The following GRM7 variants were observed in gnomAD, a reference collection of about 807,000 sequenced individuals.
The protein encoded by GRM7 is metabotropic glutamate receptor 7.
GRM7 carries 35 observed loss-of-function variants against 84.5 expected under a neutral mutation model. That is an observed-to-expected ratio of 0.41 (90% CI 0.32 to 0.55). GRM7 has a LOEUF of 0.55. Ranked by LOEUF, GRM7 falls within the 20% of genes least tolerant of loss-of-function variation. GRM7 has a pLI of 0.19. For synonymous variants in GRM7, 487 were observed against 455.1 expected, an observed-to-expected ratio of 1.07 and a Z score of -0.89; for missense variants, 1,003 against 1,194.6, an observed-to-expected ratio of 0.84 and a Z score of 2.36.
intron 9 of GRM7, among the ~76,000 whole-genome samples, chr3:7,737,843 AT>A (rs35087158): frequency 0.056 from 7,489 of 134,448 alleles, 361 homozygotes; most frequent in African/African-American, 0.15. Flanking sequence ...TATTCTCCCA[AT>A]TTTTTTTTTT....
chr3:7,690,922 T>TA (rs1158826088), intron 9 of GRM7: 1 of 302,526 alleles, frequency 3.3e-6, no homozygotes, highest in Non-Finnish European at 6.5e-6. Flanking sequence ...CAAGGTCAGT[T>TA]AATCTCCAAA....
At chr3:7,268,953 G>C (rs1490960797) in intron 2 of GRM7, among the ~76,000 whole-genome samples, 1 of 152,138 alleles carries the variant, frequency 6.6e-6, no homozygotes, top group African/African-American at 2.4e-5. Flanking sequence ...AATTGTTTTG[G>C]GGAGGGAGAG....
chr3:7,657,325 C>T (rs548067684), intron 8 of GRM7, among the ~76,000 whole-genome samples: 2 of 152,248 alleles, frequency 1.3e-5, no homozygotes, highest in African/African-American at 4.8e-5. Flanking sequence ...TGCCATAACA[C>T]GCTGGTTAGA....
rs574703570 is a variant in GRM7, at chr3:7,005,417, A to G, written c.520-141035A>G. Reference sequence around the variant, plus strand: ...TTTATTTTAAGAGTCTGATAAATCAATTTTAACCTATAATCCTGGCACCTT... The same window carrying G: ...TTTATTTTAAGAGTCTGATAAATCAGTTTTAACCTATAATCCTGGCACCTT... On this transcript the variant is annotated intron_variant, in intron 1 of 9. Coordinates refer to ENST00000357716, the MANE Select transcript of GRM7 (RefSeq NM_000844.4). Among the ~76,000 whole-genome samples, 4 of 152,340 alleles carry G rather than the reference A, an allele frequency of 2.6e-5. No homozygotes were observed. In the East Asian group the frequency reaches 5.8e-4, roughly 22 times the overall value.
At chr3:7,483,999 T>A (rs980290659) in intron 7 of GRM7, among the ~76,000 whole-genome samples, 9 of 152,176 alleles carry the variant, frequency 5.9e-5, no homozygotes, top group Admixed American at 5.9e-4. Flanking sequence ...TAATTGAATA[T>A]GCTTCTGTTA....
chr3:7,332,866 GT>G (rs1374993682), intron 4 of GRM7, among the ~76,000 whole-genome samples: 2 of 151,772 alleles, frequency 1.3e-5, no homozygotes, highest in Admixed American at 6.6e-5. Flanking sequence ...TGGATGGATG[GT>G]TTTTTCTACC....
intron 8 of GRM7, among the ~76,000 whole-genome samples, chr3:7,614,059 T>C (rs904758850): frequency 2.0e-5 from 3 of 151,700 alleles, no homozygotes; most frequent in African/African-American, 7.3e-5. Context: ...AGGTAAGGAG[T>C]TGGAGACTAG....
chr3:7,405,293 G>A (rs1695626455), intron 4 of GRM7, among the ~76,000 whole-genome samples: 1 of 152,124 alleles, frequency 6.6e-6, no homozygotes, highest in Non-Finnish European at 1.5e-5. Context: ...GCTAGAAAGA[G>A]GCTGGAGACC....
intron 2 of GRM7, among the ~76,000 whole-genome samples, chr3:7,253,181 C>T (rs960919534): frequency 6.6e-6 from 1 of 152,092 alleles, no homozygotes; most frequent in Non-Finnish European, 1.5e-5. Flanking sequence ...CAACTTTGTT[C>T]ATTTACATCA....
chr3:7,236,540 T>C (rs1353295558), intron 2 of GRM7, among the ~76,000 whole-genome samples: 2 of 152,186 alleles, frequency 1.3e-5, no homozygotes, highest in Non-Finnish European at 2.9e-5. Context: ...ACCAGGCCAA[T>C]AGAATGTGGC....
intron 5 of GRM7, among the ~76,000 whole-genome samples, 185 bp from the exon 6 acceptor site, chr3:7,452,422 A>G (rs1214081501): frequency 6.6e-6 from 1 of 152,200 alleles, no homozygotes; most frequent in Admixed American, 6.5e-5. Flanking sequence ...CTAACATGGT[A>G]GCTGGATATG....
chr3:7,236,116 C>T (rs1404891181), intron 2 of GRM7, among the ~76,000 whole-genome samples: 2 of 152,126 alleles, frequency 1.3e-5, no homozygotes, highest in Non-Finnish European at 2.9e-5. Flanking sequence ...CTCCTCAAGT[C>T]CTTTTATAAG....
intron 8 of GRM7, among the ~76,000 whole-genome samples, chr3:7,590,247 C>T (rs568994389): frequency 6.6e-6 from 1 of 152,256 alleles, no homozygotes; most frequent in South Asian, 2.1e-4. Flanking sequence ...TTATCATTGC[C>T]TCCTGCCACT....
intron 8 of GRM7, among the ~76,000 whole-genome samples, chr3:7,584,667 C>T (rs10510368): frequency 0.25 from 37,737 of 151,972 alleles, 5,167 homozygotes; most frequent in Non-Finnish European, 0.29. Flanking sequence ...TTGAGTATTA[C>T]AATAATTTGA....
chr3:6,885,558 C>A (rs570725893), intron 1 of GRM7, among the ~76,000 whole-genome samples: 14 of 152,134 alleles, frequency 9.2e-5, no homozygotes, highest in Admixed American at 6.6e-4. Flanking sequence ...GTATCCAAGC[C>A]CGACCCCCAA....
chr3:7,228,134 C>T (rs182632793), intron 2 of GRM7, among the ~76,000 whole-genome samples: 17 of 152,138 alleles, frequency 1.1e-4, no homozygotes, highest in African/African-American at 3.6e-4. Flanking sequence ...CTAGGATTGC[C>T]CCACCTTCAG....
chr3:7,266,043 C>T (rs1291336306), intron 2 of GRM7, among the ~76,000 whole-genome samples: 3 of 151,946 alleles, frequency 2.0e-5, no homozygotes, highest in Non-Finnish European at 2.9e-5. Flanking sequence ...CCTGTGAGTC[C>T]CCGGTGCATC....
At chr3:6,882,628 TA>T (rs1445398334) in intron 1 of GRM7, among the ~76,000 whole-genome samples, 1 of 152,140 alleles carries the variant, frequency 6.6e-6, no homozygotes, top group African/African-American at 2.4e-5. Context: ...ATTCTTGAGA[TA>T]TTTTTGTTTG....
chr3:7,484,215 G>A (rs756503713), intron 7 of GRM7, among the ~76,000 whole-genome samples: 5 of 152,146 alleles, frequency 3.3e-5, no homozygotes, highest in African/African-American at 4.8e-5. Flanking sequence ...TGATACATAC[G>A]TGGGTTTGTT....
Sources: gnomAD v4.1 joint callset for allele counts (sites outside exome capture counted in the v4.1 genomes callset) on GRCh38, gnomAD v4.1.1 for gene constraint, MANE v1.5 for transcripts, NCBI Gene and HGNC (gene_info 2026-07-23, HGNC 2026-07-21) for gene names.